Variants in LIPC observed in about 807,000 individuals in gnomAD.
The protein encoded by LIPC is hepatic triacylglycerol lipase.
In LIPC, 44 loss-of-function variants were observed where a neutral mutation model predicts 50.7. The ratio of observed to expected loss-of-function variants is 0.87; its 90% CI spans 0.68 to 1.11. The LOEUF (loss-of-function observed/expected upper bound fraction) is 1.11. LIPC is among the 50% of genes most tolerant of loss of function. The probability of loss-of-function intolerance (pLI) is 0.00; values close to 1 mark genes in which losing one functional copy is unlikely to be tolerated. For missense variants in LIPC, 697 were observed against 648.2 expected (o/e 1.08, Z -0.82); for synonymous variants, 271 against 256.4 (o/e 1.06, Z -0.54).
At chr15:58,455,056 A>G (rs1205994212) in intron 1 of LIPC, 2 of 152,362 alleles carry the variant, frequency 1.3e-5, no homozygotes, top group African/African-American at 2.4e-5. Flanking sequence ...TGATACACCA[A>G]AGTGAATCTC....
chr15:58,445,104 G>A (rs567963403), intron 1 of LIPC, among the ~76,000 whole-genome samples: 2 of 152,344 alleles, frequency 1.3e-5, no homozygotes, highest in East Asian at 3.9e-4. Flanking sequence ...GGGATGGGGA[G>A]TGGGGGCTCA....
chr15:58,480,398 G>T lies in LIPC; in HGVS notation c.88+48278G>T, dbSNP rs577590300. ...CAACCTCTGTTTCCTGGGTTCAAGCGATTCTCCTGCCTTGGCGTCTCAAGT... is the reference window on the plus strand; with the variant it reads ...CAACCTCTGTTTCCTGGGTTCAAGCTATTCTCCTGCCTTGGCGTCTCAAGT... On this transcript the variant is annotated intron_variant, in intron 1 of 8. Transcript: ENST00000299022. Among the ~76,000 whole-genome samples the T allele has an allele frequency of 2.6e-5, 4 of 152,302 alleles. No individual in the cohort carries two copies. In the East Asian group the frequency reaches 7.7e-4, roughly 29 times the overall value.
chr15:58,457,112 T>G (rs1423053408), intron 1 of LIPC, among the ~76,000 whole-genome samples: 2 of 152,116 alleles, frequency 1.3e-5, no homozygotes, highest in South Asian at 2.1e-4. Context: ...AAACATGATT[T>G]TTTTATTATT....
At chr15:58,442,227 G>A (rs1170637548) in intron 1 of LIPC, among the ~76,000 whole-genome samples, 3 of 152,260 alleles carry the variant, frequency 2.0e-5, no homozygotes, top group Admixed American at 6.5e-5. Flanking sequence ...GATCTGCAGT[G>A]GTGACCTTCC....
Position 58,552,448 on chromosome 15 carries a change from C to T in LIPC, c.1051+3876C>T, listed in dbSNP as rs1022710063. 3.4e-4 allele frequency among the ~76,000 whole-genome samples: 51 copies of T among 152,164 alleles called. 1 individual carries two copies. The highest frequency in any genetic ancestry group is 3.2e-3 in the Admixed American group (49 of 15,282). On this transcript the variant is annotated intron_variant, in intron 6 of 8. Coordinates refer to ENST00000299022, the MANE Select transcript of LIPC (RefSeq NM_000236.3). ...CCTGCGGCATTCCAGCTGCATGTCC[C>T]GCCTCCTCCTCTCTGCCCTCCTTCC...
At chr15:58,442,944 G>T (rs770477102) in intron 1 of LIPC, among the ~76,000 whole-genome samples, 10 of 152,084 alleles carry the variant, frequency 6.6e-5, no homozygotes, top group Admixed American at 2.0e-4. Flanking sequence ...TCTGAGTCTC[G>T]CTCTGTTGCC....
intron 1 of LIPC, among the ~76,000 whole-genome samples, chr15:58,500,879 A>G (rs1443556197): frequency 1.3e-5 from 2 of 151,874 alleles, no homozygotes; most frequent in African/African-American, 2.4e-5. Flanking sequence ...ACTCTTGACT[A>G]AGACAAAGCC....
intron 1 of LIPC, among the ~76,000 whole-genome samples, chr15:58,448,225 T>G (rs1198157463): frequency 6.6e-6 from 1 of 152,212 alleles, no homozygotes; most frequent in Non-Finnish European, 1.5e-5. Flanking sequence ...TGGACTAGGG[T>G]TGGGAGCTCT....
At position 58,546,471 on chromosome 15, in the gene LIPC, A is replaced by G. The variant is rs116502523; in HGVS notation, c.808+496A>G. Among the ~76,000 whole-genome samples, 820 of 152,262 alleles carry G rather than the reference A, an allele frequency of 5.4e-3. 8 individuals are homozygous for G. The highest frequency in any genetic ancestry group is 0.019 in the African/African-American group (774 of 41,546). ...TGAGGAAATTACTCAGACTGTCCCA[A>G]TGGGAAATTCAGCTTCAAATATGTC... On this transcript the variant is annotated intron_variant, in intron 5 of 8. Transcript: ENST00000299022.
At chr15:58,533,983 G>A (rs995069157) in intron 1 of LIPC, among the ~76,000 whole-genome samples, 1 of 152,122 alleles carries the variant, frequency 6.6e-6, no homozygotes, top group Non-Finnish European at 1.5e-5. Flanking sequence ...TAGGCCACTG[G>A]GCAGACAAAG....
At chr15:58,477,161 T>C (rs74016190) in intron 1 of LIPC, among the ~76,000 whole-genome samples, 4,570 of 152,342 alleles carry the variant, frequency 0.03, 234 homozygotes, top group African/African-American at 0.1. Context: ...AGGTTGTCTG[T>C]ATGTAGACTT....
chr15:58,476,550 A>G (rs1455457589), intron 1 of LIPC, among the ~76,000 whole-genome samples: 1 of 152,154 alleles, frequency 6.6e-6, no homozygotes, highest in Non-Finnish European at 1.5e-5. Flanking sequence ...ACTCACATGG[A>G]GCTAAGACAA....
chr15:58,513,466 G>A (rs1892394433), intron 1 of LIPC, among the ~76,000 whole-genome samples: 1 of 152,118 alleles, frequency 6.6e-6, no homozygotes, highest in Non-Finnish European at 1.5e-5. Context: ...CCGTTGCTCT[G>A]GGCTGCAGAA....
chr15:58,565,388 G>C, intron 8 of LIPC: 1 of 1,497,704 alleles, frequency 6.7e-7, no homozygotes, highest in Non-Finnish European at 8.9e-7. Flanking sequence ...GGTGGCTAAA[G>C]CACAACACTA....
At chr15:58,440,990 G>A (rs1356877111) in intron 1 of LIPC, among the ~76,000 whole-genome samples, 1 of 152,208 alleles carries the variant, frequency 6.6e-6, no homozygotes, top group Non-Finnish European at 1.5e-5. Flanking sequence ...TGGAGGCAGG[G>A]CAGACCACTG....
intron 1 of LIPC, among the ~76,000 whole-genome samples, chr15:58,489,870 G>A (rs767817920): frequency 3.3e-5 from 5 of 152,126 alleles, no homozygotes; most frequent in African/African-American, 1.2e-4. Flanking sequence ...TCCTCCCAAA[G>A]TTAGCTTGGC....
chr15:58,542,153 C>A (rs1002543514), intron 3 of LIPC, among the ~76,000 whole-genome samples, 186 bp downstream of exon 3: 2 of 152,160 alleles, frequency 1.3e-5, no homozygotes, highest in African/African-American at 4.8e-5. Flanking sequence ...TCCCTTGAAC[C>A]CCTGTTTCAC....
intron 1 of LIPC, among the ~76,000 whole-genome samples, chr15:58,504,121 G>C (rs2140843434): frequency 6.6e-6 from 1 of 152,316 alleles, no homozygotes; most frequent in Non-Finnish European, 1.5e-5. Flanking sequence ...AGACCAGCCA[G>C]AGTGCAGGGC....
intron 1 of LIPC, among the ~76,000 whole-genome samples, chr15:58,439,495 G>A (rs1394975277): frequency 6.6e-6 from 1 of 152,186 alleles, no homozygotes; most frequent in East Asian, 1.9e-4. Flanking sequence ...CCAGGCTGGA[G>A]TGCAGTGGCA....
Sources: gnomAD v4.1 joint callset for allele counts (sites outside exome capture counted in the v4.1 genomes callset) on GRCh38, gnomAD v4.1.1 for gene constraint, MANE v1.5 for transcripts, NCBI Gene and HGNC (gene_info 2026-07-23, HGNC 2026-07-21) for gene names.